The following SLC25A13 variants were observed in gnomAD, a reference collection of about 807,000 sequenced individuals.
SLC25A13 encodes the protein electrogenic aspartate/glutamate antiporter SLC25A13, mitochondrial.
A neutral mutation model predicts 85.5 loss-of-function variants in SLC25A13; 70 were observed. The observed-to-expected ratio is 0.82, with a 90% CI of 0.68 to 1.00. The LOEUF (loss-of-function observed/expected upper bound fraction) is 1.00. SLC25A13 is among the 50% of genes least tolerant of loss of function. SLC25A13 has a pLI of 0.00. For synonymous variants in SLC25A13, 259 were observed against 288.7 expected (o/e 0.90, Z 1.04); for missense variants, 765 against 819.8 (o/e 0.93, Z 0.82).
chr7:96,157,014 T>G (rs556060930), intron 13 of SLC25A13, among the ~76,000 whole-genome samples: 9 of 152,306 alleles, frequency 5.9e-5, no homozygotes, highest in African/African-American at 9.6e-5. Flanking sequence ...AATCTTAAGT[T>G]CACATCTCCA....
In SLC25A13 at chr7:96,141,504, T is replaced by TG. The variant is rs567829393; in HGVS notation, c.1452+5051dup. Among the ~76,000 whole-genome samples, 19 of 152,326 alleles carry TG rather than the reference T, an allele frequency of 1.2e-4. No individual in the cohort carries two copies. In the East Asian group the frequency reaches 1.5e-3, roughly 12 times the overall value. ...TTTAAATGGATCACTTTGGCTGCTGTGGCAACAGTGGATTTAGGAGAGTCA... is the reference window on the plus strand; with the variant it reads ...TTTAAATGGATCACTTTGGCTGCTGTGGGCAACAGTGGATTTAGGAGAGTCA... On this transcript the variant is annotated intron_variant, in intron 14 of 17. Coordinates refer to ENST00000265631, the MANE Select transcript of SLC25A13 (RefSeq NM_014251.3).
At chr7:96,123,382 G>C (rs905375645) in intron 15 of SLC25A13, among the ~76,000 whole-genome samples, 16 of 152,190 alleles carry the variant, frequency 1.1e-4, no homozygotes, top group African/African-American at 3.6e-4. Context: ...GCCTGCTTTA[G>C]ACATGCAATA....
chr7:96,269,949 G>A (rs1379084692), intron 3 of SLC25A13, among the ~76,000 whole-genome samples: 2 of 152,202 alleles, frequency 1.3e-5, no homozygotes, highest in African/African-American at 4.8e-5. Context: ...GGTTGCCAGG[G>A]CCTCCCTTGG....
At chr7:96,265,453 T>C (rs1161954505) in intron 3 of SLC25A13, among the ~76,000 whole-genome samples, 1 of 152,198 alleles carries the variant, frequency 6.6e-6, no homozygotes, top group African/African-American at 2.4e-5. Context: ...TCCCGTATCC[T>C]CTAGTAGAAG....
chr7:96,288,250 G>C (rs1411348140), intron 2 of SLC25A13, among the ~76,000 whole-genome samples: 2 of 152,228 alleles, frequency 1.3e-5, no homozygotes, highest in East Asian at 3.9e-4. Context: ...GGCCAGCATG[G>C]GGAAACCCGT....
At position 96,303,290 on chromosome 7, in the gene SLC25A13, C is replaced by T. The variant is rs142388899; in HGVS notation, c.16-6339G>A. Among the ~76,000 whole-genome samples, 391 of 152,146 alleles carry T rather than the reference C, an allele frequency of 2.6e-3. 3 individuals carry two copies. The highest frequency in any genetic ancestry group is 0.011 in the South Asian group (53 of 4,824). ...TCTACTATCATAAAGTAAATATTTG[C>T]CTTAGATAAGAACTACAAACTCAAA... On this transcript the variant is annotated intron_variant, in intron 1 of 17. Coordinates refer to ENST00000265631, the MANE Select transcript of SLC25A13 (RefSeq NM_014251.3).
At chr7:96,302,862 T>A (rs2117007942) in intron 1 of SLC25A13, among the ~76,000 whole-genome samples, 1 of 152,230 alleles carries the variant, frequency 6.6e-6, no homozygotes, top group East Asian at 1.9e-4. Context: ...GGCCCAGCAA[T>A]CCCCTATGAT....
At chr7:96,265,740 C>G (rs975303946) in intron 3 of SLC25A13, among the ~76,000 whole-genome samples, 1 of 152,136 alleles carries the variant, frequency 6.6e-6, no homozygotes, top group Admixed American at 6.5e-5. Context: ...CTGTCTTATT[C>G]TGTTCAGGTT....
At position 96,148,849 on chromosome 7, in the gene SLC25A13, T is replaced by A. The variant is rs74778080; in HGVS notation, c.1312-2153A>T. Among the ~76,000 whole-genome samples the A allele has an allele frequency of 5.5e-3, 837 of 152,268 alleles. 6 individuals are homozygous for A. Among genetic ancestry groups the A allele is most frequent in the African/African-American group, 0.019 (805 of 41,556 alleles). On this transcript the variant is annotated intron_variant, in intron 13 of 17. Coordinates refer to ENST00000265631, the MANE Select transcript of SLC25A13 (RefSeq NM_014251.3). ...GTCCCACATGAAGGCAGAGCTTCGG[T>A]CTCCCTATTTGTCAAACCATCTCAC...
rs529053205 is a variant in SLC25A13 at position 96,299,597 on chromosome 7, C to A, written c.16-2646G>T. On this transcript the variant is annotated intron_variant, in intron 1 of 17. Coordinates refer to ENST00000265631, the MANE Select transcript of SLC25A13 (RefSeq NM_014251.3). ...CAGATCCCAAATATTCCATCTCTTACCGTAGTGGCCTTCCTACAGACCCAC... is the reference window on the plus strand; with the variant it reads ...CAGATCCCAAATATTCCATCTCTTAACGTAGTGGCCTTCCTACAGACCCAC... Among the ~76,000 whole-genome samples the A allele has an allele frequency of 3.9e-5, 6 of 152,296 alleles. No individual in the cohort carries two copies. In the South Asian group the frequency reaches 1.2e-3, roughly 32 times the overall value.
At chr7:96,287,984 C>A (rs145669372) in intron 2 of SLC25A13, among the ~76,000 whole-genome samples, 1 of 152,188 alleles carries the variant, frequency 6.6e-6, no homozygotes, top group Non-Finnish European at 1.5e-5. Flanking sequence ...AATGCACATA[C>A]GAAGACCTTC....
intron 4 of SLC25A13, among the ~76,000 whole-genome samples, chr7:96,218,225 A>G (rs1235204182): frequency 6.6e-6 from 1 of 152,200 alleles, no homozygotes; most frequent in African/African-American, 2.4e-5. Flanking sequence ...TCAAAAAGCA[A>G]TAATTTTCCT....
intron 9 of SLC25A13, among the ~76,000 whole-genome samples, chr7:96,187,833 G>A (rs56187219): frequency 1.3e-5 from 2 of 152,180 alleles, no homozygotes; most frequent in African/African-American, 4.8e-5. Context: ...GACCTCCCTT[G>A]CTTGAATTTG....
intron 14 of SLC25A13, among the ~76,000 whole-genome samples, chr7:96,132,587 C>T (rs1194262726): frequency 2.0e-5 from 3 of 152,112 alleles, no homozygotes; most frequent in African/African-American, 7.2e-5. Context: ...AACATAATGC[C>T]ATGCAGAGGC....
At chr7:96,234,376 C>G (rs1796666069) in intron 4 of SLC25A13, among the ~76,000 whole-genome samples, 1 of 152,154 alleles carries the variant, frequency 6.6e-6, no homozygotes, top group Non-Finnish European at 1.5e-5. Flanking sequence ...GCAGCTCTGG[C>G]CGCAAACTAC....
At chr7:96,292,300 A>G (rs954796507) in intron 2 of SLC25A13, among the ~76,000 whole-genome samples, 1 of 152,204 alleles carries the variant, frequency 6.6e-6, no homozygotes, top group African/African-American at 2.4e-5. Context: ...AGAGCTATCT[A>G]TGACAAACCC....
At chr7:96,251,315 A>G (rs1797417329) in intron 3 of SLC25A13, among the ~76,000 whole-genome samples, 1 of 152,230 alleles carries the variant, frequency 6.6e-6, no homozygotes, top group Non-Finnish European at 1.5e-5. Context: ...GAGTACCACA[A>G]GGCCTTGTTG....
intron 2 of SLC25A13, 45 bp downstream of exon 2, chr7:96,296,853 G>T: frequency 1.3e-6 from 2 of 1,514,922 alleles, no homozygotes; most frequent in South Asian, 2.3e-5. Flanking sequence ...AAAAGTTATA[G>T]AACACAAATC....
chr7:96,209,002 T>C, intron 4 of SLC25A13, 25 bp from the exon 5 acceptor site: 2 of 1,612,716 alleles, frequency 1.2e-6, no homozygotes, highest in Non-Finnish European at 1.7e-6. Context: ...GACAGGTTGA[T>C]TAAAACAAAG....
Sources: allele counts gnomAD v4.1 joint callset (sites outside exome capture counted in the v4.1 genomes callset), GRCh38; gene constraint gnomAD v4.1.1; transcripts MANE v1.5; gene names NCBI Gene and HGNC (gene_info 2026-07-23, HGNC 2026-07-21).